Variants in SNTG2 observed in about 807,000 individuals in gnomAD.
The protein encoded by SNTG2 is syntrophin gamma 2, also known as gamma-2-syntrophin.
A neutral mutation model predicts 70.9 loss-of-function variants in SNTG2; 74 were observed. The observed-to-expected ratio is 1.04, with a 90% CI of 0.86 to 1.27. The LOEUF is 1.27. Ranked by LOEUF, SNTG2 falls within the 50% of genes most tolerant of loss-of-function variation. SNTG2 has a pLI of 0.00. For synonymous variants in SNTG2, 278 were observed against 273.8 expected (o/e 1.02, Z -0.15); for missense variants, 717 against 690.7 (o/e 1.04, Z -0.43).
At chr2:1,066,717 A>AT (rs199526680) in intron 1 of SNTG2, among the ~76,000 whole-genome samples, 91 of 151,652 alleles carry the variant, frequency 6.0e-4, no homozygotes, top group South Asian at 5.5e-3. Context: ...CAAAACGACG[A>AT]TTTTTTTTTA....
chr2:1,260,884 C>T (rs372989867), intron 13 of SNTG2, among the ~76,000 whole-genome samples: 70 of 152,188 alleles, frequency 4.6e-4, no homozygotes, highest in African/African-American at 1.4e-3. Flanking sequence ...ATTCTCCTTC[C>T]GTGCACCTGA....
chr2:1,205,336 G>A (rs1439726575), intron 8 of SNTG2, among the ~76,000 whole-genome samples: 2 of 152,056 alleles, frequency 1.3e-5, no homozygotes, highest in Non-Finnish European at 2.9e-5. Context: ...AATTTTTCTC[G>A]AGTTTTCAAA....
intron 15 of SNTG2, among the ~76,000 whole-genome samples, chr2:1,310,689 T>G (rs917955681): frequency 2.6e-5 from 4 of 152,018 alleles, no homozygotes; most frequent in African/African-American, 9.7e-5. Context: ...TCACCATCCT[T>G]CTCCGGAGCC....
At chr2:1,046,506 T>C (rs1334111618) in intron 1 of SNTG2, among the ~76,000 whole-genome samples, 1 of 152,180 alleles carries the variant, frequency 6.6e-6, no homozygotes, top group Non-Finnish European at 1.5e-5. Context: ...ACCTTTTGTT[T>C]CCACGTTTTG....
chr2:1,007,023 C>T (rs999922420), intron 1 of SNTG2, among the ~76,000 whole-genome samples: 11 of 146,826 alleles, frequency 7.5e-5, no homozygotes, highest in Admixed American at 2.1e-4. Context: ...AGCGAAACTC[C>T]ATCTCAAATA....
At chr2:1,215,694 T>TCCCTCCC (rs1444396065) in intron 9 of SNTG2, among the ~76,000 whole-genome samples, 1 of 137,004 alleles carries the variant, frequency 7.3e-6, no homozygotes, top group Non-Finnish European at 1.6e-5. Flanking sequence ...CCTAATGCTA[T>TCCCTCCC]CCCTCCCCCC....
intron 4 of SNTG2, among the ~76,000 whole-genome samples, chr2:1,100,606 C>T (rs762439242): frequency 2.6e-5 from 4 of 152,202 alleles, no homozygotes; most frequent in Admixed American, 6.5e-5. Flanking sequence ...ACACGGGCGC[C>T]GTGGGTCCAC....
At chr2:1,235,948 CGT>C (rs775398769) in intron 9 of SNTG2, among the ~76,000 whole-genome samples, 1 of 151,868 alleles carries the variant, frequency 6.6e-6, no homozygotes, top group African/African-American at 2.4e-5. Context: ...GAGTTGTGTG[CGT>C]GTGTGTGTGT....
At chr2:1,277,551 C>T (rs932276723) in intron 14 of SNTG2, among the ~76,000 whole-genome samples, 1 of 152,132 alleles carries the variant, frequency 6.6e-6, no homozygotes, top group Non-Finnish European at 1.5e-5. Context: ...TTTATATGCA[C>T]CCAGAAACCA....
chr2:1,021,063 G>A (rs550716120), intron 1 of SNTG2, among the ~76,000 whole-genome samples: 1 of 152,168 alleles, frequency 6.6e-6, no homozygotes, highest in African/African-American at 2.4e-5. Context: ...AAAGGTGAAT[G>A]ATTAATTCTC....
chr2:1,207,745 C>A (rs1380312099), intron 8 of SNTG2, among the ~76,000 whole-genome samples: 2 of 152,172 alleles, frequency 1.3e-5, no homozygotes, highest in Admixed American at 6.6e-5. Flanking sequence ...GGGGAACCGC[C>A]CCCCGTCTCC....
At chr2:1,093,602 A>G (rs1665177082) in intron 2 of SNTG2, among the ~76,000 whole-genome samples, 1 of 152,276 alleles carries the variant, frequency 6.6e-6, no homozygotes, top group Admixed American at 6.5e-5. Flanking sequence ...GAAAACACAA[A>G]TTGGCTGAGC....
chr2:1,166,527 T>C (rs1159146349), intron 7 of SNTG2, among the ~76,000 whole-genome samples: 1 of 152,124 alleles, frequency 6.6e-6, no homozygotes, highest in East Asian at 1.9e-4. Flanking sequence ...CTGCCCCGAG[T>C]GGCCCGGCTG....
rs553070250 is a variant in SNTG2, at chr2:1,161,875, C to T, written c.412-3673C>T. On this transcript the variant is annotated intron_variant, in intron 6 of 16. Coordinates refer to ENST00000308624, the MANE Select transcript of SNTG2 (RefSeq NM_018968.4). ...GGATCACGAGGTCAGGAGATCGAGACCATCCTGGCTAACACGGTGAAACCC... is the reference window on the plus strand; with the variant it reads ...GGATCACGAGGTCAGGAGATCGAGATCATCCTGGCTAACACGGTGAAACCC... 1.2e-3 allele frequency among the ~76,000 whole-genome samples: 183 copies of T among 152,154 alleles called. 1 individual carries two copies. The highest frequency in any genetic ancestry group is 4.3e-3 in the African/African-American group (177 of 41,528).
chr2:1,172,653 C>T (rs1671200819), intron 7 of SNTG2, among the ~76,000 whole-genome samples: 1 of 152,204 alleles, frequency 6.6e-6, no homozygotes, highest in South Asian at 2.1e-4. Flanking sequence ...CTGTAATGTG[C>T]TAAGTGCTTT....
At chr2:1,035,115 T>G (rs929166266) in intron 1 of SNTG2, among the ~76,000 whole-genome samples, 2 of 152,182 alleles carry the variant, frequency 1.3e-5, no homozygotes, top group African/African-American at 4.8e-5. Context: ...TGAATGACTT[T>G]TGGGTAAATA....
chr2:1,110,608 G>C (rs140797722), intron 4 of SNTG2, among the ~76,000 whole-genome samples: 1 of 152,268 alleles, frequency 6.6e-6, no homozygotes, highest in African/African-American at 2.4e-5. Context: ...GCAGAGACTT[G>C]AGCAGCTGAG....
chr2:1,312,371 T>A (rs973185286), intron 15 of SNTG2, among the ~76,000 whole-genome samples: 4 of 152,182 alleles, frequency 2.6e-5, no homozygotes, highest in Non-Finnish European at 5.9e-5. Context: ...TCTCACTCTC[T>A]GGATTAGCAC....
At chr2:1,305,411 C>G (rs894257493) in intron 14 of SNTG2, among the ~76,000 whole-genome samples, 2 of 152,204 alleles carry the variant, frequency 1.3e-5, no homozygotes, top group African/African-American at 4.8e-5. Flanking sequence ...CAGACTCCCT[C>G]CGATGTGGGA....
Sources: gnomAD v4.1 joint callset for allele counts (sites outside exome capture counted in the v4.1 genomes callset) on GRCh38, gnomAD v4.1.1 for gene constraint, MANE v1.5 for transcripts, NCBI Gene and HGNC (gene_info 2026-07-23, HGNC 2026-07-21) for gene names.